The following MRGPRX3 variants were observed in gnomAD, a reference collection of about 807,000 sequenced individuals.
MRGPRX3 encodes mas-related G protein-coupled receptor member X3.
A neutral mutation model predicts 16.5 loss-of-function variants in MRGPRX3; 14 were observed. That is an observed-to-expected ratio of 0.85 (90% confidence interval 0.56 to 1.33). MRGPRX3 has a LOEUF of 1.33. Among genes scored for constraint, MRGPRX3 ranks in the 40% most tolerant of loss-of-function variants. MRGPRX3 has a pLI of 0.00. For synonymous variants in MRGPRX3, 199 were observed against 180.1 expected, an observed-to-expected ratio of 1.10 and a Z score of -0.84; for missense variants, 449 against 413.0, an observed-to-expected ratio of 1.09 and a Z score of -0.76.
At position 18,137,908 on chromosome 11, in the gene MRGPRX3, T is replaced by C. The variant is rs72863191; in HGVS notation, c.706T>C (p.Trp236Arg). Residue 236 changes from tryptophan to arginine, a missense_variant, in exon 2 of 2, where the codon TGG becomes CGG. Physicochemically the swap from Trp to Arg is moderately radical, Grantham distance 101. Coordinates refer to ENST00000621697, the MANE Select transcript of MRGPRX3 (RefSeq NM_001370464.1). ...LLCGLPFGIQ[W>R]ALFSRIHLDW... Reference sequence around the variant, plus strand: ...CTGTGGCCTGCCCTTTGGCATTCAGTGGGCCCTGTTTTCCAGGATCCACCT... The same window carrying C: ...CTGTGGCCTGCCCTTTGGCATTCAGCGGGCCCTGTTTTCCAGGATCCACCT... The C allele has an allele frequency of 0.084, 135,955 of 1,614,154 alleles. 6,051 individuals are homozygous for C. Among genetic ancestry groups the C allele is most frequent in the Middle Eastern group, 0.11 (664 of 6,060 alleles).
At chr11:18,134,558 G>T (rs1350938946) in intron 1 of MRGPRX3, among the ~76,000 whole-genome samples, 2 of 152,118 alleles carry the variant, frequency 1.3e-5, no homozygotes, top group Non-Finnish European at 2.9e-5. Flanking sequence ...TGCAGATTTT[G>T]GTCTGTGCTG....
At chr11:18,129,935 A>T (rs527611549), upstream of MRGPRX3, among the ~76,000 whole-genome samples, 1 of 152,322 alleles carries the variant, frequency 6.6e-6, no homozygotes, top group Non-Finnish European at 1.5e-5. Flanking sequence ...AAATCACATG[A>T]TCATCTCAAT....
At chr11:18,134,546 T>C (rs1026255013) in intron 1 of MRGPRX3, among the ~76,000 whole-genome samples, 8 of 152,208 alleles carry the variant, frequency 5.3e-5, no homozygotes, top group African/African-American at 1.7e-4. Context: ...AAATTGAGCA[T>C]CTGCAGATTT....
At chr11:18,121,707 C>T (rs1335269488) in intron 1 of MRGPRX3, among the ~76,000 whole-genome samples, 1 of 152,106 alleles carries the variant, frequency 6.6e-6, no homozygotes, top group Non-Finnish European at 1.5e-5. Context: ...TACCCCCAAC[C>T]CTGTGCTCTC....
intron 1 of MRGPRX3, among the ~76,000 whole-genome samples, chr11:18,124,282 A>T (rs1276804986): frequency 2.6e-5 from 4 of 152,042 alleles, no homozygotes; most frequent in Non-Finnish European, 5.9e-5. Flanking sequence ...TCAAAGGGAA[A>T]GCTTCCAGTT....
At chr11:18,128,191 C>T (rs1212370837), upstream of MRGPRX3, among the ~76,000 whole-genome samples, 1 of 152,170 alleles carries the variant, frequency 6.6e-6, no homozygotes, top group South Asian at 2.1e-4. Flanking sequence ...ACTGGGGGTG[C>T]CTCCCAGATA....
At chr11:18,132,489 A>G (rs1444137347), upstream of MRGPRX3, 1 of 152,242 alleles carries the variant, frequency 6.6e-6, no homozygotes. Flanking sequence ...GCCAAGAATC[A>G]TCTCAGTTAG....
chr11:18,122,845 T>C (rs1490047551), intron 1 of MRGPRX3, among the ~76,000 whole-genome samples: 1 of 152,188 alleles, frequency 6.6e-6, no homozygotes, highest in Non-Finnish European at 1.5e-5. Flanking sequence ...CTCTCCAGCA[T>C]CTGTTGTTTC....
In MRGPRX3 at chr11:18,137,527, G is replaced by A. The variant is rs1564882145; in HGVS notation, c.325G>A (p.Gly109Ser). 1 of 1,614,076 alleles carries A rather than the reference G, an allele frequency of 6.2e-7. No homozygotes were observed. The highest frequency in any genetic ancestry group is 8.5e-7 in the Non-Finnish European group (1 of 1,180,034). ...SPVMTFPYFI[G>S]LSMLSAISTE... The stretch of plus-strand genomic sequence containing the variant: ...TGTGATGACCTTTCCCTACTTTATA[G>A]GCCTAAGCATGCTGAGCGCCATCAG... The change falls in exon 2 of 2, where the codon GGC becomes AGC. Residue 109 changes from glycine to serine, a missense_variant. Transcript: ENST00000621697.
At chr11:18,133,368 A>T (rs1848980659) in intron 1 of MRGPRX3, among the ~76,000 whole-genome samples, 2 of 152,216 alleles carry the variant, frequency 1.3e-5, no homozygotes, top group South Asian at 4.1e-4. Context: ...TGCGTGGCCA[A>T]CGCACAGCCA....
At position 18,132,607 on chromosome 11, in the gene MRGPRX3, A is replaced by G. The variant is rs946567823; in HGVS notation, c.-158A>G. On this transcript the variant is annotated 5_prime_UTR_variant, in exon 1 of 2. Coordinates refer to ENST00000621697, the MANE Select transcript of MRGPRX3 (RefSeq NM_001370464.1). ...AAGCCTGGATTGCTCACCAGCTTTCATTTCAGCTCCTGTAGGCATCTCCTG... is the reference window on the plus strand; with the variant it reads ...AAGCCTGGATTGCTCACCAGCTTTCGTTTCAGCTCCTGTAGGCATCTCCTG... 6.6e-6 allele frequency: 1 copy of G among 152,230 alleles called. No individual in the cohort carries two copies. The highest frequency in any genetic ancestry group is 2.1e-4 in the South Asian group (1 of 4,836). 9.4% of individuals were successfully genotyped at this position (152,230 alleles called of 1,614,324 possible).
At chr11:18,125,887 A>G (rs1042156179) in intron 1 of MRGPRX3, among the ~76,000 whole-genome samples, 1 of 152,160 alleles carries the variant, frequency 6.6e-6, no homozygotes, top group African/African-American at 2.4e-5. Flanking sequence ...TTGGGTGCAT[A>G]TATGTTTAGG....
chr11:18,126,899 C>A (rs1848903134), intron 1 of MRGPRX3, among the ~76,000 whole-genome samples: 1 of 152,210 alleles, frequency 6.6e-6, no homozygotes, highest in East Asian at 1.9e-4. Context: ...CATTGTTGGA[C>A]ATTTGGGTTG....
rs1330593994 is a variant in MRGPRX3, at chr11:18,138,033, C to T, written c.831C>T (p.Ser277=). 1.2e-6 allele frequency: 2 copies of T among 1,614,174 alleles called. No individual in the cohort carries two copies. Among genetic ancestry groups the T allele is most frequent in the Non-Finnish European group, 1.7e-6 (2 of 1,180,038 alleles). The change falls in exon 2 of 2, where the codon TCC becomes TCT. Residue 277 remains serine (S), a synonymous_variant. Coordinates refer to ENST00000621697, the MANE Select transcript of MRGPRX3 (RefSeq NM_001370464.1). ...ANPIIYFFVG[S]FRQRQNRQNL... The stretch of plus-strand genomic sequence containing the variant: ...CCATCATTTACTTCTTCGTGGGCTC[C>T]TTTAGGCAGCGTCAAAATAGGCAGA...
At position 18,137,864 on chromosome 11, in the gene MRGPRX3, C is replaced by A; in HGVS notation, c.662C>A (p.Thr221Lys). The A allele has an allele frequency of 6.2e-7, 1 of 1,614,228 alleles. No homozygotes were observed. Among genetic ancestry groups the A allele is most frequent in the Non-Finnish European group, 8.5e-7 (1 of 1,180,048 alleles). ...AGGCTGTACGTGACCATCCTCCTCA[C>A]AGTGCTGGTCTTCCTCCTCTGTGGC... ...LTRLYVTILL[T>K]VLVFLLCGLP... Residue 221 changes from threonine (T) to lysine (K), a missense_variant, in exon 2 of 2, where the codon ACA (threonine) becomes AAA (lysine). By Grantham distance (78) the Thr-to-Lys change is moderately conservative. Transcript: ENST00000621697.
intron 1 of MRGPRX3, among the ~76,000 whole-genome samples, chr11:18,136,605 C>T (rs1849009253): frequency 6.6e-6 from 1 of 152,150 alleles, no homozygotes; most frequent in Non-Finnish European, 1.5e-5. Flanking sequence ...ATTGAATGAA[C>T]GTTTATGAAA....
intron 1 of MRGPRX3, among the ~76,000 whole-genome samples, chr11:18,125,005 G>T (rs1848878000): frequency 6.6e-6 from 1 of 152,170 alleles, no homozygotes; most frequent in Non-Finnish European, 1.5e-5. Flanking sequence ...TCTGATGGTA[G>T]TTTGTATTTC....
upstream of MRGPRX3, among the ~76,000 whole-genome samples, chr11:18,130,332 T>C (rs1848948676): frequency 1.3e-5 from 2 of 152,116 alleles, no homozygotes; most frequent in African/African-American, 4.8e-5. Flanking sequence ...TCAGTAAAGT[T>C]TCAGGATACA....
In MRGPRX3 at chr11:18,137,211, A is replaced by C; in HGVS notation, c.9A>C (p.Ser3=). Residue 3 remains serine, a synonymous_variant, in exon 2 of 2, where the codon TCA becomes TCC. Coordinates refer to ENST00000621697, the MANE Select transcript of MRGPRX3 (RefSeq NM_001370464.1). MD[S]TIPVLGTELT... is the part of the protein sequence containing the mutation. ...GACTGGGGTTTCTGAGCATGGATTC[A>C]ACCATCCCAGTCTTGGGTACAGAAC... 6.3e-7 allele frequency: 1 copy of C among 1,591,194 alleles called. No individual in the cohort carries two copies. Among genetic ancestry groups the C allele is most frequent in the Non-Finnish European group, 8.6e-7 (1 of 1,165,836 alleles).
Sources: allele counts gnomAD v4.1 joint callset (sites outside exome capture counted in the v4.1 genomes callset), GRCh38; gene constraint gnomAD v4.1.1; transcripts MANE v1.5; gene names NCBI Gene and HGNC (gene_info 2026-07-23, HGNC 2026-07-21).